LRCH1: variants seen among roughly 807,000 people sequenced by gnomAD.
LRCH1 encodes leucine-rich repeat and calponin homology domain-containing protein 1.
A neutral mutation model predicts 94.9 loss-of-function variants in LRCH1; 23 were observed. That is an observed-to-expected ratio of 0.24 (90% confidence interval 0.17 to 0.34). The LOEUF is 0.34. Ranked by LOEUF, LRCH1 falls within the 10% of genes least tolerant of loss-of-function variation. LRCH1 has a pLI of 1.00. For synonymous variants in LRCH1, 364 were observed against 354.9 expected (o/e 1.03, Z -0.29); for missense variants, 790 against 945.9 (o/e 0.84, Z 2.16).
intron 16 of LRCH1, 83 bp downstream of exon 16, chr13:46,715,747 G>T: frequency 4.7e-6 from 4 of 855,338 alleles, no homozygotes; most frequent in Non-Finnish European, 7.6e-6. Context: ...TGCAGCTGAA[G>T]ATAGAGTATA....
chr13:46,669,280 A>G, intron 3 of LRCH1, 124 bp downstream of exon 3: 3 of 1,120,532 alleles, frequency 2.7e-6, no homozygotes, highest in South Asian at 1.6e-5. Context: ...GAGGGCAGGT[A>G]TATGATAAAG....
In LRCH1 at chr13:46,568,955, T is replaced by C. The variant is rs531951105; in HGVS notation, c.307+15252T>C. On this transcript the variant is annotated intron_variant, in intron 1 of 19. Coordinates refer to ENST00000389797, the MANE Select transcript of LRCH1 (RefSeq NM_001164211.2). ...TTTTTAGCTTTCTGCCTGGTGCCGA[T>C]TCCTGACTGACAAGCTGTTTTAAAA... 2.0e-5 allele frequency among the ~76,000 whole-genome samples: 3 copies of C among 152,350 alleles called. No individual in the cohort carries two copies. In the South Asian group the frequency reaches 6.2e-4, roughly 32 times the overall value.
At chr13:46,590,725 A>G (rs2050489762) in intron 1 of LRCH1, among the ~76,000 whole-genome samples, 1 of 152,136 alleles carries the variant, frequency 6.6e-6, no homozygotes, top group South Asian at 2.1e-4. Flanking sequence ...GGGGAAAGGA[A>G]TTTTCTGGAT....
chr13:46,614,667 A>C (rs915725535), intron 1 of LRCH1, among the ~76,000 whole-genome samples: 5 of 152,172 alleles, frequency 3.3e-5, no homozygotes, highest in African/African-American at 1.2e-4. Context: ...TTTGAAAATG[A>C]ATGCTGTGTA....
At chr13:46,729,154 A>G (rs1268602252) in intron 18 of LRCH1, among the ~76,000 whole-genome samples, 170 bp downstream of exon 18, 1 of 152,210 alleles carries the variant, frequency 6.6e-6, no homozygotes, top group Non-Finnish European at 1.5e-5. Flanking sequence ...GAATGAAGCA[A>G]CATTTTCCCG....
At chr13:46,581,463 A>G (rs904773549) in intron 1 of LRCH1, among the ~76,000 whole-genome samples, 7 of 152,258 alleles carry the variant, frequency 4.6e-5, no homozygotes, top group African/African-American at 1.7e-4. Context: ...AGAGAGGTAC[A>G]GTAAGAATAG....
intron 1 of LRCH1, among the ~76,000 whole-genome samples, chr13:46,605,367 A>G (rs965956787): frequency 1.2e-4 from 18 of 152,344 alleles, no homozygotes; most frequent in African/African-American, 3.1e-4. Context: ...TTTATTTTAC[A>G]GAAGCCTTGT....
At chr13:46,707,495 A>G (rs1871826016) in intron 13 of LRCH1, among the ~76,000 whole-genome samples, 1 of 152,146 alleles carries the variant, frequency 6.6e-6, no homozygotes, top group Non-Finnish European at 1.5e-5. Context: ...TTTCGTTGCA[A>G]CTAACAAGCA....
At chr13:46,634,228 G>T (rs1473899832) in intron 1 of LRCH1, among the ~76,000 whole-genome samples, 1 of 152,130 alleles carries the variant, frequency 6.6e-6, no homozygotes. Flanking sequence ...ATTCATCCAC[G>T]TCAGAAAGCC....
At chr13:46,678,163 A>G (rs1247319932) in intron 3 of LRCH1, among the ~76,000 whole-genome samples, 1 of 152,224 alleles carries the variant, frequency 6.6e-6, no homozygotes, top group Non-Finnish European at 1.5e-5. Flanking sequence ...TTCATACCTT[A>G]TCTTAGGCTG....
intron 19 of LRCH1, among the ~76,000 whole-genome samples, chr13:46,739,724 C>T (rs1873557287): frequency 6.6e-6 from 1 of 152,174 alleles, no homozygotes; most frequent in African/African-American, 2.4e-5. Context: ...AGTCTTAGAT[C>T]CATTCCTTTT....
chr13:46,728,441 C>G (rs571244716), intron 17 of LRCH1, among the ~76,000 whole-genome samples: 19 of 152,002 alleles, frequency 1.2e-4, no homozygotes, highest in Middle Eastern at 3.4e-3. Flanking sequence ...GCCTTGAACT[C>G]CTGACCTCAG....
At chr13:46,566,592 T>C (rs2050187212) in intron 1 of LRCH1, among the ~76,000 whole-genome samples, 1 of 152,102 alleles carries the variant, frequency 6.6e-6, no homozygotes, top group African/African-American at 2.4e-5. Context: ...AGAGTATATT[T>C]GTAAGCCAGT....
At chr13:46,573,114 T>C (rs1487439193) in intron 1 of LRCH1, among the ~76,000 whole-genome samples, 1 of 152,232 alleles carries the variant, frequency 6.6e-6, no homozygotes, top group Non-Finnish European at 1.5e-5. Flanking sequence ...ACTCTTATCA[T>C]TTGTTTTCTG....
intron 4 of LRCH1, 84 bp from the exon 5 acceptor site, chr13:46,685,821 C>A: frequency 2.0e-6 from 2 of 978,834 alleles, no homozygotes. Flanking sequence ...AGAAGCAGAA[C>A]ATTAATTTTT....
chr13:46,619,775 G>A (rs964274350), intron 1 of LRCH1, among the ~76,000 whole-genome samples: 2 of 152,140 alleles, frequency 1.3e-5, no homozygotes, highest in African/African-American at 4.8e-5. Context: ...TTGGAAGATG[G>A]AGTAAATTGC....
At chr13:46,670,066 C>T (rs1193731666) in intron 3 of LRCH1, among the ~76,000 whole-genome samples, 1 of 152,212 alleles carries the variant, frequency 6.6e-6, no homozygotes, top group African/African-American at 2.4e-5. Context: ...ATAGAGAATG[C>T]TGTGATTGCT....
chr13:46,715,995 GT>G (rs1872303825), intron 16 of LRCH1, among the ~76,000 whole-genome samples: 1 of 151,924 alleles, frequency 6.6e-6, no homozygotes, highest in Admixed American at 6.6e-5. Flanking sequence ...ATCTCCGCTT[GT>G]TCCTGCATCT....
intron 3 of LRCH1, among the ~76,000 whole-genome samples, chr13:46,678,479 A>G (rs2051706394): frequency 6.6e-6 from 1 of 152,182 alleles, no homozygotes; most frequent in African/African-American, 2.4e-5. Context: ...TTTTCCCCCC[A>G]TTATTTGTCA....
Sources: allele counts gnomAD v4.1 joint callset (sites outside exome capture counted in the v4.1 genomes callset), GRCh38; gene constraint gnomAD v4.1.1; transcripts MANE v1.5; gene names NCBI Gene and HGNC (gene_info 2026-07-23, HGNC 2026-07-21).